The following LRRN1 variants were observed in gnomAD, a reference collection of about 807,000 sequenced individuals.
The protein encoded by LRRN1 is leucine rich repeat neuronal 1, also known as leucine-rich repeat neuronal protein 1.
LRRN1 carries 14 observed loss-of-function variants against 45.8 expected under a neutral mutation model. The observed-to-expected ratio is 0.31, with a 90% CI of 0.20 to 0.48. The LOEUF is 0.48. Among genes scored for constraint, LRRN1 ranks in the 20% least tolerant of loss-of-function variants. The pLI is 0.99. For synonymous variants in LRRN1, 359 were observed against 330.1 expected (o/e 1.09, Z -0.95); for missense variants, 789 against 874.2 (o/e 0.90, Z 1.23).
At chr3:3,836,441 G>A (rs956537993) in intron 1 of LRRN1, among the ~76,000 whole-genome samples, 1 of 152,118 alleles carries the variant, frequency 6.6e-6, no homozygotes, top group Admixed American at 6.5e-5. Flanking sequence ...TACTATTCAC[G>A]CTATTGTGAA....
Position 3,816,107 on chromosome 3 carries a change from A to G in LRRN1, c.-279+16188A>G, listed in dbSNP as rs1344208954. On this transcript the variant is annotated intron_variant, in intron 1 of 1. Transcript: ENST00000319331. This position sits in a 1 kb window ranked among gnomAD's most constrained non-coding sequence, Gnocchi z 4.0. Reference sequence around the variant, plus strand: ...ACTAAAATTATTCTTTTTACTTTTAATAATGAACATATTAGTTGAAGAGCT... The same window carrying G: ...ACTAAAATTATTCTTTTTACTTTTAGTAATGAACATATTAGTTGAAGAGCT... 6.6e-6 allele frequency among the ~76,000 whole-genome samples: 1 copy of G among 152,304 alleles called. No individual in the cohort carries two copies. Among genetic ancestry groups the G allele is most frequent in the East Asian group, 1.9e-4 (1 of 5,194 alleles).
rs185861415 is a variant in LRRN1, at chr3:3,807,389, C to T, written c.-279+7470C>T. 3.6e-4 allele frequency among the ~76,000 whole-genome samples: 55 copies of T among 152,220 alleles called. 2 individuals carry two copies. Among genetic ancestry groups the T allele is most frequent in the Admixed American group, 1.6e-3 (24 of 15,288 alleles). On this transcript the variant is annotated intron_variant, in intron 1 of 1. Transcript: ENST00000319331. Reference sequence around the variant, plus strand: ...ATTTTTGTTTTTTCTTTGATAGGAGCGTTTTAACTTTCCTATCAGAGAATA... The same window carrying T: ...ATTTTTGTTTTTTCTTTGATAGGAGTGTTTTAACTTTCCTATCAGAGAATA...
intron 1 of LRRN1, among the ~76,000 whole-genome samples, chr3:3,842,214 A>G (rs946104816): frequency 2.2e-4 from 33 of 152,098 alleles, no homozygotes; most frequent in African/African-American, 7.7e-4. Flanking sequence ...TCATTGGCCA[A>G]ACTTTCTTTA....
Position 3,845,917 on chromosome 3 carries a change from A to G in LRRN1, c.1276A>G (p.Ile426Val), listed in dbSNP as rs761470808. The G allele has an allele frequency of 8.1e-6, 13 of 1,613,968 alleles. No homozygotes were observed. Among genetic ancestry groups the G allele is most frequent in the African/African-American group, 1.3e-5 (1 of 74,908 alleles). ...TTCGAGTGAACAGTGCCTCCCAATG[A>G]TATCTCACGACAGCTTCCCAAATCG... ...QDSSEQCLPM[I>V]SHDSFPNRLN... Residue 426 changes from isoleucine (I) to valine (V), a missense_variant, in exon 2 of 2, where the codon ATA becomes GTA. Physicochemically the swap from Ile to Val is conservative, Grantham distance 29. Transcript: ENST00000319331. The surrounding 1 kb of genome is among the most constrained non-coding windows in gnomAD (Gnocchi z 6.5).
At chr3:3,809,861 T>A (rs1189603849) in intron 1 of LRRN1, among the ~76,000 whole-genome samples, 2 of 152,170 alleles carry the variant, frequency 1.3e-5, no homozygotes, top group African/African-American at 4.8e-5. Context: ...TAGCAATGAG[T>A]AGAAGTGGTA....
intron 1 of LRRN1, among the ~76,000 whole-genome samples, chr3:3,817,151 C>T (rs1321810602): frequency 6.6e-6 from 1 of 152,156 alleles, no homozygotes; most frequent in East Asian, 1.9e-4. Flanking sequence ...TGCTCCCCAT[C>T]CCTGTCTTTG....
intron 1 of LRRN1, chr3:3,801,373 T>C (rs1692649164): frequency 6.6e-6 from 1 of 152,258 alleles, no homozygotes; most frequent in Admixed American, 6.5e-5. Context: ...TGTTTTGTTT[T>C]GTCTTGCCAT....
intron 1 of LRRN1, among the ~76,000 whole-genome samples, chr3:3,810,527 A>G (rs1374118582): frequency 3.9e-5 from 6 of 152,136 alleles, no homozygotes; most frequent in Non-Finnish European, 8.8e-5. Flanking sequence ...TTAACCACAA[A>G]TCTTTCTGGA....
chr3:3,839,670 A>T lies in LRRN1; in HGVS notation c.-278-4694A>T, dbSNP rs1299824446. On this transcript the variant is annotated intron_variant, in intron 1 of 1. Transcript: ENST00000319331. ...TTTGATTTATTTTGGTTATCTCTTAACAATTTTCATTGTACAAGTCTTTTG... is the reference window on the plus strand; with the variant it reads ...TTTGATTTATTTTGGTTATCTCTTATCAATTTTCATTGTACAAGTCTTTTG... Among the ~76,000 whole-genome samples the T allele has an allele frequency of 2.0e-5, 3 of 152,114 alleles. No homozygotes were observed. In the East Asian group the frequency reaches 5.8e-4, roughly 29 times the overall value.
intron 1 of LRRN1, among the ~76,000 whole-genome samples, chr3:3,836,429 C>T (rs1174604008): frequency 1.3e-5 from 2 of 152,202 alleles, no homozygotes; most frequent in African/African-American, 4.8e-5. Flanking sequence ...AATGGAATCA[C>T]GTACTATTCA....
chr3:3,830,767 A>G (rs1218337188), intron 1 of LRRN1, among the ~76,000 whole-genome samples: 1 of 152,162 alleles, frequency 6.6e-6, no homozygotes, highest in Non-Finnish European at 1.5e-5. Context: ...GCTGCTGTGC[A>G]TGACCCACTT....
At chr3:3,804,356 A>G (rs560867552) in intron 1 of LRRN1, among the ~76,000 whole-genome samples, 10 of 152,330 alleles carry the variant, frequency 6.6e-5, no homozygotes, top group African/African-American at 2.2e-4. Context: ...CTCCAGTACC[A>G]CAATTAACAT....
intron 1 of LRRN1, among the ~76,000 whole-genome samples, chr3:3,808,628 GGTCT>G (rs1692814387): frequency 6.6e-6 from 1 of 151,974 alleles, no homozygotes; most frequent in East Asian, 1.9e-4. Flanking sequence ...GTTGAACTTG[GGTCT>G]GTCTGACTCT....
At chr3:3,825,924 C>T (rs1693205740) in intron 1 of LRRN1, among the ~76,000 whole-genome samples, 1 of 152,060 alleles carries the variant, frequency 6.6e-6, no homozygotes, top group African/African-American at 2.4e-5. Context: ...CTTTAGCTCA[C>T]CATTATAGAT....
At chr3:3,817,055 C>T (rs914544600) in intron 1 of LRRN1, among the ~76,000 whole-genome samples, 2 of 152,146 alleles carry the variant, frequency 1.3e-5, no homozygotes, top group South Asian at 4.1e-4. Context: ...CCACCACCTG[C>T]CATCTATAAG....
chr3:3,809,147 A>ATT (rs11430159), intron 1 of LRRN1, among the ~76,000 whole-genome samples: 16 of 151,586 alleles, frequency 1.1e-4, no homozygotes, highest in Non-Finnish European at 1.5e-4. Flanking sequence ...GTATTGAATG[A>ATT]TTTTTTTTTC....
chr3:3,827,361 C>G (rs1454793702), intron 1 of LRRN1: 10 of 449,568 alleles, frequency 2.2e-5, no homozygotes. Context: ...ACAATCAGCA[C>G]TGGGGCCTGT....
At chr3:3,800,643 AGCTCC>A (rs1692630005) in intron 1 of LRRN1, 1 of 23,384 alleles carries the variant, frequency 4.3e-5, no homozygotes, top group Admixed American at 3.2e-4. Context: ...GTGAGCCTTG[AGCTCC>A]ACGCGGGGAC....
chr3:3,845,920 T>A lies in LRRN1; in HGVS notation c.1279T>A (p.Ser427Thr). 2 of 1,614,104 alleles carry A rather than the reference T, an allele frequency of 1.2e-6. No individual in the cohort carries two copies. The highest frequency in any genetic ancestry group is 8.5e-7 in the Non-Finnish European group (1 of 1,180,004). Residue 427 changes from serine to threonine, a missense_variant, in exon 2 of 2, where the codon TCT (serine) becomes ACT (threonine). Coordinates refer to ENST00000319331, the MANE Select transcript of LRRN1 (RefSeq NM_020873.7). This position sits in a 1 kb window ranked among gnomAD's most constrained non-coding sequence, Gnocchi z 6.5. Reference protein sequence around the residue: ...DSSEQCLPMISHDSFPNRLNV... With the variant: ...DSSEQCLPMITHDSFPNRLNV... ...GAGTGAACAGTGCCTCCCAATGATATCTCACGACAGCTTCCCAAATCGTTT... is the reference window on the plus strand; with the variant it reads ...GAGTGAACAGTGCCTCCCAATGATAACTCACGACAGCTTCCCAAATCGTTT...
Sources: gnomAD v4.1 joint callset for allele counts (sites outside exome capture counted in the v4.1 genomes callset) on GRCh38, gnomAD v4.1.1 for gene constraint, Gnocchi (gnomAD v3.1) non-coding constraint, MANE v1.5 for transcripts, NCBI Gene and HGNC (gene_info 2026-07-23, HGNC 2026-07-21) for gene names.